Variants in ABCB4 observed in about 807,000 individuals in gnomAD.
ABCB4 encodes the protein phosphatidylcholine translocator ABCB4.
In ABCB4, 76 loss-of-function variants were observed where a neutral mutation model predicts 145.7. That is an observed-to-expected ratio of 0.52 (90% confidence interval 0.43 to 0.63). The LOEUF (loss-of-function observed/expected upper bound fraction) is 0.63, where lower values mean the gene tolerates loss of function less well. Among genes scored for constraint, ABCB4 ranks in the 30% least tolerant of loss-of-function variants. ABCB4 has a pLI of 0.00. For missense variants in ABCB4, 1,234 were observed against 1,553.1 expected (o/e 0.79, Z 3.45); for synonymous variants, 517 against 566.8 (o/e 0.91, Z 1.25).
In ABCB4 at chr7:87,409,298, A is replaced by G; in HGVS notation, c.3019T>C (p.Leu1007=). The change falls in exon 24 of 28, where the codon TTA becomes CTA. Residue 1007 remains leucine (L), a synonymous_variant. Coordinates refer to ENST00000649586, the MANE Select transcript of ABCB4 (RefSeq NM_000443.4). ...GGTTGTCTTTCAAACAGCATGAATA[A>G]GTGGGCTGCAGACAGCTTAGCTTTA... The part of the protein sequence containing the change: ...YAKAKLSAAH[L]FMLFERQPLI... 1 of 1,614,112 alleles carries G rather than the reference A, an allele frequency of 6.2e-7. No individual in the cohort carries two copies. Among genetic ancestry groups the G allele is most frequent in the Non-Finnish European group, 8.5e-7 (1 of 1,180,010 alleles).
the ABCB4 span, among the ~76,000 whole-genome samples, chr7:87,391,436 T>A: frequency 6.6e-6 from 1 of 152,346 alleles, no homozygotes; most frequent in East Asian, 1.9e-4. Context: ...TCTTTGGTAT[T>A]GGAAATAGGC....
chr7:87,373,331 T>C, the ABCB4 span, among the ~76,000 whole-genome samples: 1 of 152,120 alleles, frequency 6.6e-6, no homozygotes, highest in Admixed American at 6.5e-5. Flanking sequence ...ATATAAGTCT[T>C]TTTACAGATA....
At chr7:87,394,280 A>G in the ABCB4 span, among the ~76,000 whole-genome samples, 20 of 152,210 alleles carry the variant, frequency 1.3e-4, no homozygotes, top group Non-Finnish European at 1.3e-4. Flanking sequence ...TCTCTGCAGA[A>G]GCAGTTTGTC....
chr7:87,369,431 T>C, the ABCB4 span: 1 of 1,613,532 alleles, frequency 6.2e-7, no homozygotes, highest in Non-Finnish European at 8.5e-7. Flanking sequence ...GCCGAGCTTT[T>C]GTCTTTGATG....
intron 3 of ABCB4, among the ~76,000 whole-genome samples, chr7:87,470,401 C>G (rs940866197): frequency 6.6e-6 from 1 of 152,144 alleles, no homozygotes; most frequent in Non-Finnish European, 1.5e-5. Context: ...AGCTTCTGCA[C>G]AGCAAAAGAA....
rs31667 is a variant in ABCB4, at chr7:87,423,834, A to G, written c.2211+72T>C. The G allele has an allele frequency of 0.82, 1,309,958 of 1,588,924 alleles. 544,484 individuals are homozygous for G. The highest frequency in any genetic ancestry group is 0.85 in the Non-Finnish European group (987,990 of 1,157,690). ...GCTTAATCCCAGAATGGAGCCAGTC[A>G]GTGAGGTTGGGAGAAGCAGCAGCTG... On this transcript the variant is annotated intron_variant, in intron 17 of 27. Coordinates refer to ENST00000649586, the MANE Select transcript of ABCB4 (RefSeq NM_000443.4).
chr7:87,464,623 G>C (rs1812722152), intron 3 of ABCB4, among the ~76,000 whole-genome samples: 1 of 152,144 alleles, frequency 6.6e-6, no homozygotes, highest in Admixed American at 6.5e-5. Context: ...AACATCCTAA[G>C]TAAACCTAGG....
At chr7:87,406,942 T>C (rs1362020364) in intron 25 of ABCB4, among the ~76,000 whole-genome samples, 1 of 152,214 alleles carries the variant, frequency 6.6e-6, no homozygotes, top group Non-Finnish European at 1.5e-5. Flanking sequence ...ACTCTGGTCC[T>C]ACCTCTACCT....
At chr7:87,382,515 C>T in the ABCB4 span, 1 of 1,613,902 alleles carries the variant, frequency 6.2e-7, no homozygotes, top group African/African-American at 1.3e-5. Flanking sequence ...GCTTGCACTT[C>T]AGCTGGCCTA....
chr7:87,443,530 A>T (rs1811129792), intron 11 of ABCB4, 86 bp from the exon 12 acceptor site: 3 of 1,583,548 alleles, frequency 1.9e-6, no homozygotes, highest in Non-Finnish European at 2.6e-6. Context: ...ATTTGAAAAA[A>T]AAGTATCAAA....
the ABCB4 span, among the ~76,000 whole-genome samples, chr7:87,368,779 T>C: frequency 6.6e-6 from 1 of 152,156 alleles, no homozygotes; most frequent in African/African-American, 2.4e-5. Context: ...ATCAGAATAG[T>C]CTGAGGTTTA....
At chr7:87,378,442 ATTTG>A in the ABCB4 span, among the ~76,000 whole-genome samples, 22 of 152,206 alleles carry the variant, frequency 1.4e-4, no homozygotes, top group Non-Finnish European at 3.1e-4. Flanking sequence ...GTAAGAAGAT[ATTTG>A]TTGGCAAGGA....
At chr7:87,390,261 G>C in the ABCB4 span, among the ~76,000 whole-genome samples, 1 of 152,130 alleles carries the variant, frequency 6.6e-6, no homozygotes, top group African/African-American at 2.4e-5. Flanking sequence ...AAGATTAAGA[G>C]TGTGTTTACT....
chr7:87,384,318 G>C, the ABCB4 span, among the ~76,000 whole-genome samples: 1 of 152,134 alleles, frequency 6.6e-6, no homozygotes, highest in African/African-American at 2.4e-5. Flanking sequence ...GATCACCTGA[G>C]GTCAGGAGTT....
Position 87,401,742 on chromosome 7 carries a change from T to C in ABCB4, c.*354A>G, listed in dbSNP as rs924735358. Reference sequence around the variant, plus strand: ...TTTTCTTTTGTACTTGGGAAAATTATTCCCAAACTTTCCTGTCTACCCAAC... The same window carrying C: ...TTTTCTTTTGTACTTGGGAAAATTACTCCCAAACTTTCCTGTCTACCCAAC... On this transcript the variant is annotated 3_prime_UTR_variant, in exon 28 of 28. Coordinates refer to ENST00000649586, the MANE Select transcript of ABCB4 (RefSeq NM_000443.4). 2.5e-5 allele frequency: 8 copies of C among 319,890 alleles called. No individual in the cohort carries two copies. In the East Asian group the frequency reaches 5.3e-4, roughly 21 times the overall value. 19.8% of individuals were successfully genotyped at this position (319,890 alleles called of 1,614,324 possible).
chr7:87,448,917 G>C (rs1811524559), intron 8 of ABCB4, among the ~76,000 whole-genome samples: 1 of 152,128 alleles, frequency 6.6e-6, no homozygotes, highest in Admixed American at 6.6e-5. Flanking sequence ...AATAGCCAAA[G>C]AAAATACTTT....
intron 14 of ABCB4, among the ~76,000 whole-genome samples, chr7:87,432,624 A>AAGAT (rs1479558781): frequency 4.6e-5 from 7 of 152,362 alleles, no homozygotes; most frequent in Admixed American, 3.3e-4. Flanking sequence ...CCAGTCACAA[A>AAGAT]AGATGACACA....
At chr7:87,459,587 T>A (rs1252260185) in intron 4 of ABCB4, among the ~76,000 whole-genome samples, 1 of 151,536 alleles carries the variant, frequency 6.6e-6, no homozygotes, top group East Asian at 2.0e-4. Context: ...CATTTAAAAT[T>A]TTTTTTTTAC....
chr7:87,371,683 A>G, the ABCB4 span, among the ~76,000 whole-genome samples: 7 of 152,264 alleles, frequency 4.6e-5, no homozygotes, highest in African/African-American at 1.7e-4. Flanking sequence ...ACATGGTACT[A>G]TTAAACTTAA....
Sources: gnomAD v4.1 joint callset for allele counts (sites outside exome capture counted in the v4.1 genomes callset) on GRCh38, gnomAD v4.1.1 for gene constraint, MANE v1.5 for transcripts, NCBI Gene and HGNC (gene_info 2026-07-23, HGNC 2026-07-21) for gene names.